Variants in DDX10 observed in about 807,000 individuals in gnomAD.
The protein encoded by DDX10 is probable ATP-dependent RNA helicase DDX10.
In DDX10, 74 loss-of-function variants were observed where a neutral mutation model predicts 104.3. The observed-to-expected ratio is 0.71, with a 90% CI of 0.59 to 0.86. The LOEUF (loss-of-function observed/expected upper bound fraction) is 0.86. Among genes scored for constraint, DDX10 ranks in the 40% least tolerant of loss-of-function variants. DDX10 has a pLI of 0.00. For synonymous variants in DDX10, 351 were observed against 353.4 expected, an observed-to-expected ratio of 0.99 and a Z score of 0.08; for missense variants, 952 against 1,040.0, an observed-to-expected ratio of 0.92 and a Z score of 1.16.
At chr11:108,845,205 C>T (rs780437784) in intron 15 of DDX10, among the ~76,000 whole-genome samples, 7 of 151,448 alleles carry the variant, frequency 4.6e-5, no homozygotes, top group Non-Finnish European at 8.8e-5. Context: ...CAGACTCTGT[C>T]TCAAAAACAA....
intron 10 of DDX10, among the ~76,000 whole-genome samples, chr11:108,708,956 T>G (rs963473490): frequency 1.1e-4 from 16 of 152,236 alleles, no homozygotes; most frequent in African/African-American, 3.9e-4. Context: ...TCTTGTAGTC[T>G]TGCTATGATT....
intron 13 of DDX10, among the ~76,000 whole-genome samples, chr11:108,727,563 A>G (rs915180425): frequency 5.9e-5 from 9 of 152,190 alleles, no homozygotes; most frequent in East Asian, 1.9e-4. Flanking sequence ...TTATTGCCAT[A>G]TGAATAAATT....
chr11:108,874,022 A>G lies in DDX10; in HGVS notation c.2304+21813A>G, dbSNP rs188890969. Among the ~76,000 whole-genome samples, 135 of 152,296 alleles carry G rather than the reference A, an allele frequency of 8.9e-4. 1 individual carries two copies. The highest frequency in any genetic ancestry group is 3.2e-3 in the African/African-American group (132 of 41,574). On this transcript the variant is annotated intron_variant, in intron 16 of 17. Transcript: ENST00000322536. ...ACCTACTTGACCTAAGGGAAGATGCATTCTATTTAATCTGCAAGATTGCCG... is the reference window on the plus strand; with the variant it reads ...ACCTACTTGACCTAAGGGAAGATGCGTTCTATTTAATCTGCAAGATTGCCG...
Position 108,753,587 on chromosome 11 carries a change from C to G in DDX10, c.1965+30125C>G, listed in dbSNP as rs181896890. On this transcript the variant is annotated intron_variant, in intron 13 of 17. Transcript: ENST00000322536. ...TTATATATCATGAATGGAAAAGATT[C>G]TCTGTTCACGAATTCCTGGTTCAGA... Among the ~76,000 whole-genome samples the G allele has an allele frequency of 1.1e-3, 166 of 152,064 alleles. 2 individuals carry two copies. The highest frequency in any genetic ancestry group is 3.9e-3 in the African/African-American group (163 of 41,518).
At chr11:108,766,014 TA>T (rs1241508514) in intron 13 of DDX10, among the ~76,000 whole-genome samples, 2 of 152,224 alleles carry the variant, frequency 1.3e-5, no homozygotes, top group African/African-American at 4.8e-5. Flanking sequence ...TGCAAAGCCT[TA>T]CGTAAATGTT....
In DDX10 at chr11:108,891,845, G is replaced by C. The variant is rs74376912; in HGVS notation, c.2305-26028G>C. Among the ~76,000 whole-genome samples the C allele has an allele frequency of 3.2e-3, 494 of 152,156 alleles. 4 individuals are homozygous for C. The highest frequency in any genetic ancestry group is 0.011 in the African/African-American group (473 of 41,434). ...AATTCTCCAGAACACTTTGTGGGGAGGGCACCGGGAAGAGTGAAGAGCTAA... is the reference window on the plus strand; with the variant it reads ...AATTCTCCAGAACACTTTGTGGGGACGGCACCGGGAAGAGTGAAGAGCTAA... On this transcript the variant is annotated intron_variant, in intron 16 of 17. Transcript: ENST00000322536.
In DDX10 at chr11:108,723,454, A is replaced by G. The variant is rs772006848; in HGVS notation, c.1957A>G (p.Thr653Ala). ...VFGLDLKDEK[T>A]LQKKEPSKSS... ...TGGATTGGACCTTAAAGACGAGAAAACATTACAGGTAAGTTTACTCCCAGT... is the reference window on the plus strand; with the variant it reads ...TGGATTGGACCTTAAAGACGAGAAAGCATTACAGGTAAGTTTACTCCCAGT... Residue 653 changes from threonine (T) to alanine (A), a missense_variant, in exon 13 of 18, where the codon ACA (threonine) becomes GCA (alanine). This residue lies in a region of DDX10 where 533 missense variants were observed against 534.1 expected (regional missense o/e 1.00). Transcript: ENST00000322536. The G allele has an allele frequency of 3.1e-6, 5 of 1,610,296 alleles. No homozygotes were observed. In the East Asian group the frequency reaches 1.1e-4, roughly 36 times the overall value.
chr11:108,699,895 G>T (rs1276704281), intron 9 of DDX10, among the ~76,000 whole-genome samples: 7 of 152,168 alleles, frequency 4.6e-5, no homozygotes, highest in Non-Finnish European at 7.4e-5. Flanking sequence ...CTCTGGCCCA[G>T]GTTAACATAG....
At chr11:108,677,907 C>T (rs928577399) in intron 4 of DDX10, among the ~76,000 whole-genome samples, 7 of 151,888 alleles carry the variant, frequency 4.6e-5, no homozygotes, top group South Asian at 2.1e-4. Flanking sequence ...GAGAGAACCT[C>T]GGCTTTTTTC....
At chr11:108,883,554 AG>A (rs1461133574) in intron 16 of DDX10, among the ~76,000 whole-genome samples, 1 of 152,152 alleles carries the variant, frequency 6.6e-6, no homozygotes, top group African/African-American at 2.4e-5. Flanking sequence ...CTCTCTAATA[AG>A]GGGGGAAGTC....
At chr11:108,880,322 C>G (rs917830143) in intron 16 of DDX10, among the ~76,000 whole-genome samples, 1 of 152,072 alleles carries the variant, frequency 6.6e-6, no homozygotes, top group Non-Finnish European at 1.5e-5. Flanking sequence ...ACCCTTATAA[C>G]CTTATTATCT....
chr11:108,895,654 T>C lies in DDX10; in HGVS notation c.2305-22219T>C, dbSNP rs540609384. 7.2e-5 allele frequency among the ~76,000 whole-genome samples: 11 copies of C among 152,210 alleles called. No individual in the cohort carries two copies. The South Asian group carries it at 2.3e-3, about 32-fold the overall frequency. ...ATAATATTGTTGTAGCACTAGTCTT[T>C]AGTAATTGTCACCAAAAATATTTGA... On this transcript the variant is annotated intron_variant, in intron 16 of 17. Coordinates refer to ENST00000322536, the MANE Select transcript of DDX10 (RefSeq NM_004398.4).
intron 1 of DDX10, among the ~76,000 whole-genome samples, chr11:108,666,304 C>A (rs1384386579): frequency 6.6e-6 from 1 of 152,080 alleles, no homozygotes; most frequent in Non-Finnish European, 1.5e-5. Context: ...ATGGTGAAAC[C>A]CCGCCTCTAC....
chr11:108,855,647 G>C (rs111645481), intron 16 of DDX10, among the ~76,000 whole-genome samples: 2 of 152,186 alleles, frequency 1.3e-5, no homozygotes, highest in South Asian at 4.1e-4. Flanking sequence ...TTTTAGTAGA[G>C]ACAGAGTTTC....
At chr11:108,840,484 CAAAT>C (rs1293748326) in intron 14 of DDX10, among the ~76,000 whole-genome samples, 1 of 152,112 alleles carries the variant, frequency 6.6e-6, no homozygotes, top group Non-Finnish European at 1.5e-5. Context: ...ATTACTGAGT[CAAAT>C]AAACCTCTGT....
At chr11:108,747,787 A>G (rs1229344203) in intron 13 of DDX10, among the ~76,000 whole-genome samples, 1 of 152,130 alleles carries the variant, frequency 6.6e-6, no homozygotes, top group Non-Finnish European at 1.5e-5. Flanking sequence ...TTTAACCACT[A>G]CTATTAATGA....
chr11:108,884,642 C>G (rs529606963), intron 16 of DDX10, among the ~76,000 whole-genome samples: 2 of 152,140 alleles, frequency 1.3e-5, no homozygotes, highest in Non-Finnish European at 2.9e-5. Flanking sequence ...ACTCTTCTTC[C>G]TTGGTTTCTC....
At chr11:108,683,895 T>C (rs1480510349) in intron 6 of DDX10, among the ~76,000 whole-genome samples, 1 of 152,078 alleles carries the variant, frequency 6.6e-6, no homozygotes, top group Non-Finnish European at 1.5e-5. Flanking sequence ...GGAGGTTGTG[T>C]GTACTAAAAA....
chr11:108,779,052 A>G (rs137873381), intron 13 of DDX10, among the ~76,000 whole-genome samples: 17 of 152,228 alleles, frequency 1.1e-4, no homozygotes, highest in African/African-American at 2.6e-4. Flanking sequence ...TGCTGGAGAG[A>G]ATGTGGAGAA....
Sources: allele counts gnomAD v4.1 joint callset (sites outside exome capture counted in the v4.1 genomes callset), GRCh38; gene constraint gnomAD v4.1.1; regional missense constraint gnomAD v4.1.1; transcripts MANE v1.5; gene names NCBI Gene and HGNC (gene_info 2026-07-23, HGNC 2026-07-21).